DAB1: variants seen among roughly 807,000 people sequenced by gnomAD.
The protein encoded by DAB1 is DAB adaptor protein 1.
A neutral mutation model predicts 64.6 loss-of-function variants in DAB1; 15 were observed. The ratio of observed to expected loss-of-function variants is 0.23; its 90% CI spans 0.16 to 0.36. DAB1 has a LOEUF of 0.36. Ranked by LOEUF, DAB1 falls within the 10% of genes least tolerant of loss-of-function variation. The pLI, the probability that DAB1 is intolerant of heterozygous loss-of-function variation, is 1.00. For synonymous variants in DAB1, 235 were observed against 251.9 expected, an observed-to-expected ratio of 0.93 and a Z score of 0.64; for missense variants, 596 against 706.7, an observed-to-expected ratio of 0.84 and a Z score of 1.78.
chr1:57,480,620 GATTACAGGCACATGCC>G, intron 7 of DAB1, among the ~76,000 whole-genome samples: 1 of 152,182 alleles, frequency 6.6e-6, no homozygotes, highest in African/African-American at 2.4e-5. Context: ...AAGGAGCTGG[GATTACAGGCACATGCC>G]ACCATGCCTG....
intron 4 of DAB1, among the ~76,000 whole-genome samples, chr1:58,337,791 C>T (rs565520359): frequency 2.2e-4 from 33 of 152,154 alleles, no homozygotes; most frequent in East Asian, 3.9e-4. Flanking sequence ...CATATTAACC[C>T]GGAGAGACAG....
intron 4 of DAB1, among the ~76,000 whole-genome samples, chr1:58,197,405 CT>C (rs67608803): frequency 4.9e-4 from 73 of 148,084 alleles, no homozygotes; most frequent in African/African-American, 6.7e-4. Flanking sequence ...GAGAGTTACA[CT>C]TTTTTTTTTT....
intron 3 of DAB1, among the ~76,000 whole-genome samples, chr1:58,361,612 T>C (rs190614103): frequency 6.6e-6 from 1 of 152,106 alleles, no homozygotes. Flanking sequence ...TCGGGGACTT[T>C]GCAGCCTTGC....
chr1:58,482,077 A>C (rs1264283190), intron 3 of DAB1, among the ~76,000 whole-genome samples: 1 of 152,230 alleles, frequency 6.6e-6, no homozygotes, highest in African/African-American at 2.4e-5. Context: ...ACAGTGTACT[A>C]TGGGGCTCAG....
At chr1:57,640,578 C>G (rs990180691) in intron 7 of DAB1, among the ~76,000 whole-genome samples, 4 of 152,158 alleles carry the variant, frequency 2.6e-5, no homozygotes, top group African/African-American at 9.7e-5. Context: ...CTTCAAAAAG[C>G]TTATTGCACT....
chr1:57,214,490 C>A (rs1287978419), intron 2 of DAB1, among the ~76,000 whole-genome samples: 1 of 152,088 alleles, frequency 6.6e-6, no homozygotes, highest in Non-Finnish European at 1.5e-5. Flanking sequence ...TTTTTTTAAA[C>A]CAGTATAAGC....
At chr1:58,506,697 A>C (rs74482722) in intron 2 of DAB1, among the ~76,000 whole-genome samples, 2,503 of 152,342 alleles carry the variant, frequency 0.016, 54 homozygotes, top group East Asian at 0.12. Flanking sequence ...GTTTTAAAAT[A>C]TAATGTTATT....
At chr1:57,260,849 G>A (rs1215128129) in intron 2 of DAB1, among the ~76,000 whole-genome samples, 1 of 152,172 alleles carries the variant, frequency 6.6e-6, no homozygotes, top group Non-Finnish European at 1.5e-5. Flanking sequence ...TCAGTCAGAA[G>A]GAGTTGGTTT....
intron 1 of DAB1, among the ~76,000 whole-genome samples, chr1:57,857,020 C>G (rs1349594354): frequency 6.6e-6 from 1 of 152,166 alleles, no homozygotes; most frequent in Non-Finnish European, 1.5e-5. Context: ...CCCCACTCAG[C>G]TGAAACCCAA....
Position 57,063,031 on chromosome 1 carries a change from G to C in DAB1, c.664-88C>G, listed in dbSNP as rs1268954851. Reference sequence around the variant, plus strand: ...GCAACCAGACTTCAACTGCAAGCTGGCTAAGGGTGCCTGAGAATGGCCCCA... The same window carrying C: ...GCAACCAGACTTCAACTGCAAGCTGCCTAAGGGTGCCTGAGAATGGCCCCA... On this transcript the variant is annotated intron_variant, in intron 8 of 14. Transcript: ENST00000371236. The C allele has an allele frequency of 2.7e-5, 32 of 1,178,092 alleles. No individual in the cohort carries two copies. In the East Asian group the frequency reaches 7.4e-4, roughly 27 times the overall value. The allele number at this position is 1,178,092 out of a possible 1,614,324, so 73.0% of individuals were successfully genotyped here.
intron 5 of DAB1, among the ~76,000 whole-genome samples, chr1:57,964,656 C>A (rs1489112688): frequency 6.6e-6 from 1 of 152,174 alleles, no homozygotes; most frequent in Non-Finnish European, 1.5e-5. Context: ...CAAGCTCATT[C>A]ATTTATTCAT....
intron 5 of DAB1, among the ~76,000 whole-genome samples, chr1:58,100,872 G>A (rs1298850240): frequency 6.6e-6 from 1 of 152,136 alleles, no homozygotes; most frequent in African/African-American, 2.4e-5. Flanking sequence ...TTGAGGTCAA[G>A]GGTCCTAGGG....
At chr1:57,871,299 A>G (rs1030299087) in intron 1 of DAB1, among the ~76,000 whole-genome samples, 1 of 152,178 alleles carries the variant, frequency 6.6e-6, no homozygotes, top group African/African-American at 2.4e-5. Context: ...TAATAGTTTC[A>G]TGGGTATCTG....
intron 2 of DAB1, among the ~76,000 whole-genome samples, chr1:58,508,375 C>G (rs1646022376): frequency 6.6e-6 from 1 of 152,180 alleles, no homozygotes; most frequent in Non-Finnish European, 1.5e-5. Flanking sequence ...CCCTCCTTCC[C>G]CACATGAACA....
chr1:57,110,104 C>T (rs563670), intron 4 of DAB1, among the ~76,000 whole-genome samples: 97,005 of 152,000 alleles, frequency 0.64, 31,508 homozygotes, highest in Middle Eastern at 0.77. Flanking sequence ...GTAAAGTGGC[C>T]ACATGTGTCT....
At chr1:57,260,608 A>G (rs776722589) in intron 2 of DAB1, among the ~76,000 whole-genome samples, 16 of 152,184 alleles carry the variant, frequency 1.1e-4, no homozygotes, top group Non-Finnish European at 2.2e-4. Flanking sequence ...CTGAGGCTGC[A>G]TGGCACAGAA....
chr1:57,986,678 T>C (rs1374934232), intron 5 of DAB1, among the ~76,000 whole-genome samples: 3 of 152,194 alleles, frequency 2.0e-5, no homozygotes, highest in Admixed American at 6.5e-5. Context: ...GAAACAGAAC[T>C]GAAGGCTTCC....
intron 4 of DAB1, among the ~76,000 whole-genome samples, chr1:58,159,601 T>C (rs1655413119): frequency 6.6e-6 from 1 of 152,220 alleles, no homozygotes; most frequent in South Asian, 2.1e-4. Context: ...TAACAGAGCC[T>C]ATGGATCATC....
chr1:57,588,622 G>T (rs1349138722), intron 7 of DAB1, among the ~76,000 whole-genome samples: 1 of 152,104 alleles, frequency 6.6e-6, no homozygotes, highest in Non-Finnish European at 1.5e-5. Flanking sequence ...TTGAATCTTG[G>T]CAAATATTGA....
Sources: allele counts gnomAD v4.1 joint callset (sites outside exome capture counted in the v4.1 genomes callset), GRCh38; gene constraint gnomAD v4.1.1; transcripts MANE v1.5; gene names NCBI Gene and HGNC (gene_info 2026-07-23, HGNC 2026-07-21).